The following CADM2 variants were observed in gnomAD, a reference collection of about 807,000 sequenced individuals.
CADM2 encodes the protein cell adhesion molecule 2.
Under a neutral mutation model 49.8 loss-of-function variants are expected in CADM2, and 12 were observed. The ratio of observed to expected loss-of-function variants is 0.24; its 90% CI spans 0.15 to 0.39. CADM2 has a LOEUF of 0.39. CADM2 is among the 10% of genes least tolerant of loss of function. The probability of loss-of-function intolerance (pLI) is 1.00; values close to 1 mark genes in which losing one functional copy is unlikely to be tolerated. For missense variants in CADM2, 378 were observed against 492.3 expected (o/e 0.77, Z 2.20); for synonymous variants, 214 against 175.4 (o/e 1.22, Z -1.74).
chr3:85,213,996 G>A (rs1259654330), intron 1 of CADM2, among the ~76,000 whole-genome samples: 1 of 152,046 alleles, frequency 6.6e-6, no homozygotes, highest in African/African-American at 2.4e-5. Flanking sequence ...ATTTCTTTGA[G>A]CTTCTTCAAT....
At chr3:85,971,916 T>G (rs922639240) in intron 8 of CADM2, among the ~76,000 whole-genome samples, 3 of 151,752 alleles carry the variant, frequency 2.0e-5, no homozygotes, top group African/African-American at 7.2e-5. Context: ...AACAGCTTTT[T>G]TTTTCTTGTA....
At chr3:85,612,184 T>C (rs1162834089) in intron 1 of CADM2, among the ~76,000 whole-genome samples, 1 of 151,910 alleles carries the variant, frequency 6.6e-6, no homozygotes, top group Admixed American at 6.6e-5. Context: ...TCTTATCTTT[T>C]ATATTTTAGG....
chr3:85,872,119 G>A (rs2075954132), intron 3 of CADM2, among the ~76,000 whole-genome samples: 1 of 152,192 alleles, frequency 6.6e-6, no homozygotes, highest in African/African-American at 2.4e-5. Context: ...GGCTGCCTAT[G>A]TGACCAAGGC....
At chr3:85,174,350 T>G (rs2040716567) in intron 1 of CADM2, among the ~76,000 whole-genome samples, 1 of 152,082 alleles carries the variant, frequency 6.6e-6, no homozygotes, top group Non-Finnish European at 1.5e-5. Flanking sequence ...TGTTTGTTTT[T>G]TAATTTGCTT....
chr3:85,614,811 T>C (rs1479551845), intron 1 of CADM2, among the ~76,000 whole-genome samples: 1 of 152,004 alleles, frequency 6.6e-6, no homozygotes, highest in Non-Finnish European at 1.5e-5. Context: ...GATTTGTAGC[T>C]ACATTGCTAC....
At chr3:85,786,545 C>G (rs1430545943) in intron 2 of CADM2, among the ~76,000 whole-genome samples, 1 of 152,044 alleles carries the variant, frequency 6.6e-6, no homozygotes, top group Non-Finnish European at 1.5e-5. Flanking sequence ...AAAATACATC[C>G]TTTTAACCAC....
chr3:85,325,688 C>A (rs868272104), intron 1 of CADM2, among the ~76,000 whole-genome samples: 1,977 of 91,108 alleles, frequency 0.022, 30 homozygotes, highest in Middle Eastern at 0.056. Context: ...AAGACTCCAT[C>A]AAAAAAAAAA....
At chr3:85,094,299 G>A (rs2037711132) in intron 1 of CADM2, among the ~76,000 whole-genome samples, 1 of 151,864 alleles carries the variant, frequency 6.6e-6, no homozygotes, top group African/African-American at 2.4e-5. Flanking sequence ...TTTTTAATGA[G>A]GTCAAAACAA....
chr3:85,674,891 TTC>T (rs772579662), intron 1 of CADM2, among the ~76,000 whole-genome samples: 1 of 152,128 alleles, frequency 6.6e-6, no homozygotes, highest in Non-Finnish European at 1.5e-5. Flanking sequence ...AATATCGAAT[TTC>T]TGTTTGCTCT....
At chr3:85,891,972 A>T (rs1714494028) in intron 5 of CADM2, among the ~76,000 whole-genome samples, 1 of 152,224 alleles carries the variant, frequency 6.6e-6, no homozygotes, top group Non-Finnish European at 1.5e-5. Context: ...AACTTACAGT[A>T]ATGTGTTACA....
chr3:85,433,087 G>A (rs1339000603), intron 1 of CADM2, among the ~76,000 whole-genome samples: 2 of 151,824 alleles, frequency 1.3e-5, no homozygotes, highest in Non-Finnish European at 2.9e-5. Context: ...ATTTAGGATA[G>A]GCAAATTTAG....
At chr3:85,733,469 T>C (rs1402140043) in intron 2 of CADM2, among the ~76,000 whole-genome samples, 1 of 152,212 alleles carries the variant, frequency 6.6e-6, no homozygotes, top group African/African-American at 2.4e-5. Flanking sequence ...TGCATAACTG[T>C]CCCCTTTCAT....
chr3:85,206,999 A>G (rs1249045457), intron 1 of CADM2, among the ~76,000 whole-genome samples: 1 of 151,846 alleles, frequency 6.6e-6, no homozygotes, highest in Non-Finnish European at 1.5e-5. Flanking sequence ...TAAAACCACA[A>G]CATTACAGGA....
intron 1 of CADM2, among the ~76,000 whole-genome samples, chr3:85,413,316 A>G (rs748355043): frequency 2.0e-5 from 3 of 151,970 alleles, no homozygotes; most frequent in Non-Finnish European, 4.4e-5. Flanking sequence ...CTTTGTGCAT[A>G]TCACTAAAAT....
chr3:85,893,565 C>T (rs1396036545), intron 5 of CADM2, among the ~76,000 whole-genome samples: 1 of 152,124 alleles, frequency 6.6e-6, no homozygotes, highest in Non-Finnish European at 1.5e-5. Flanking sequence ...AGGCAACCCA[C>T]AGAATGGAAG....
At chr3:85,587,958 G>C (rs1312710656) in intron 1 of CADM2, among the ~76,000 whole-genome samples, 1 of 151,886 alleles carries the variant, frequency 6.6e-6, no homozygotes, top group Non-Finnish European at 1.5e-5. Context: ...GTAAAAACAG[G>C]GTTTTGCCAT....
At chr3:85,081,641 G>A (rs2037168828) in intron 1 of CADM2, among the ~76,000 whole-genome samples, 1 of 152,110 alleles carries the variant, frequency 6.6e-6, no homozygotes, top group Non-Finnish European at 1.5e-5. Flanking sequence ...TGGAAAGATA[G>A]GTTACGTCCC....
chr3:85,063,706 T>C (rs1240892875), intron 1 of CADM2, among the ~76,000 whole-genome samples: 2 of 152,030 alleles, frequency 1.3e-5, no homozygotes, highest in Non-Finnish European at 2.9e-5. Flanking sequence ...GACTGTTTTA[T>C]TAATATTTTG....
intron 1 of CADM2, among the ~76,000 whole-genome samples, chr3:85,280,125 C>A (rs181134509): frequency 1.3e-5 from 2 of 151,610 alleles, no homozygotes; most frequent in Non-Finnish European, 3.0e-5. Flanking sequence ...TTACATTAAG[C>A]TGATAACAAC....
Sources: allele counts gnomAD v4.1 joint callset (sites outside exome capture counted in the v4.1 genomes callset), GRCh38; gene constraint gnomAD v4.1.1; transcripts MANE v1.5; gene names NCBI Gene and HGNC (gene_info 2026-07-23, HGNC 2026-07-21).